The following MAP4K4 variants were observed in gnomAD, a reference collection of about 807,000 sequenced individuals.
The protein encoded by MAP4K4 is HPK/GCK-like kinase HGK.
MAP4K4 carries 38 observed loss-of-function variants against 189.6 expected under a neutral mutation model. That is an observed-to-expected ratio of 0.20 (90% CI 0.15 to 0.26). The LOEUF is 0.26. MAP4K4 is among the 10% of genes least tolerant of loss of function. The pLI, the probability that MAP4K4 is intolerant of heterozygous loss-of-function variation, is 1.00. For missense variants in MAP4K4, 1,054 were observed against 1,726.9 expected (o/e 0.61, Z 6.91); for synonymous variants, 610 against 624.3 (o/e 0.98, Z 0.34).
chr2:101,869,727 G>A (rs1381602398), exon 22 of MAP4K4: 1 of 1,596,880 alleles, frequency 6.3e-7, no homozygotes, highest in Non-Finnish European at 8.5e-7. Flanking sequence ...GACGACGGAT[G>A]AGGAGGACGA....
intron 29 of MAP4K4, among the ~76,000 whole-genome samples, chr2:101,886,397 TATG>T (rs1440627038): frequency 2.7e-5 from 2 of 73,624 alleles, no homozygotes; most frequent in Non-Finnish European, 5.2e-5. Context: ...ATGCTACTAG[TATG>T]ATAATAGTGA....
intron 2 of MAP4K4, among the ~76,000 whole-genome samples, chr2:101,753,097 C>G (rs1452463544): frequency 6.6e-6 from 1 of 152,172 alleles, no homozygotes; most frequent in African/African-American, 2.4e-5. Flanking sequence ...CTCATTTAAT[C>G]TCTCAAATTA....
At chr2:101,845,419 C>T (rs2097071652) in intron 12 of MAP4K4, among the ~76,000 whole-genome samples, 1 of 152,094 alleles carries the variant, frequency 6.6e-6, no homozygotes, top group Admixed American at 6.5e-5. Context: ...GACGGGGATA[C>T]ATTCTGAGAA....
At chr2:101,810,647 C>T (rs2095361694) in intron 3 of MAP4K4, among the ~76,000 whole-genome samples, 1 of 152,086 alleles carries the variant, frequency 6.6e-6, no homozygotes, top group East Asian at 1.9e-4. Context: ...GAATAGCAAG[C>T]CCCAAATTAA....
intron 2 of MAP4K4, among the ~76,000 whole-genome samples, chr2:101,752,191 A>T (rs2069444490): frequency 6.6e-6 from 1 of 152,188 alleles, no homozygotes; most frequent in East Asian, 1.9e-4. Flanking sequence ...TTTTATATTG[A>T]AATGGAAACT....
intron 2 of MAP4K4, among the ~76,000 whole-genome samples, chr2:101,698,978 T>C (rs1210681191): frequency 1.3e-5 from 2 of 152,192 alleles, no homozygotes; most frequent in African/African-American, 4.8e-5. Flanking sequence ...ACTCAGTGCT[T>C]GCCAGTTGCT....
rs767343379 is a variant in MAP4K4 at position 101,870,332 on chromosome 2, G to C, written c.2677G>C (p.Val893Leu). The C allele has an allele frequency of 5.0e-6, 8 of 1,613,236 alleles. No individual in the cohort carries two copies. The highest frequency in any genetic ancestry group is 5.9e-6 in the Non-Finnish European group (7 of 1,179,638). The change falls in exon 23 of 33, where the codon GTG becomes CTG. Residue 893 changes from valine to leucine, a missense_variant. Coordinates refer to ENST00000324219, the Ensembl canonical transcript of MAP4K4. ...TTTGAGCAATGGTGAAACGGAATCT[G>C]TGAAAACCATGATTGTCCATGATGA...
chr2:101,867,670 C>T, intron 20 of MAP4K4: 1 of 364,230 alleles, frequency 2.7e-6, no homozygotes, highest in Non-Finnish European at 4.9e-6. Context: ...CTTTTTATCT[C>T]TTTCTTGGCA....
At chr2:101,816,581 A>C (rs2095733868) in intron 3 of MAP4K4, among the ~76,000 whole-genome samples, 1 of 152,190 alleles carries the variant, frequency 6.6e-6, no homozygotes, top group South Asian at 2.1e-4. Flanking sequence ...ATTCTCCTCA[A>C]GGGACCTTTG....
chr2:101,797,238 T>C (rs1349438697), intron 3 of MAP4K4: 2 of 1,290,368 alleles, frequency 1.5e-6, no homozygotes, highest in East Asian at 5.5e-5. Context: ...ATTGTTCTAT[T>C]CTGTTATTCC....
chr2:101,867,167 A>G (rs2097843351), intron 19 of MAP4K4, 45 bp from the exon 20 acceptor site: 2 of 1,265,670 alleles, frequency 1.6e-6, no homozygotes, highest in Non-Finnish European at 2.3e-6. Context: ...ACACATCCAT[A>G]TGTTGATATG....
chr2:101,866,868 T>C (rs1577055760), intron 19 of MAP4K4, among the ~76,000 whole-genome samples: 1 of 150,416 alleles, frequency 6.6e-6, no homozygotes, highest in Non-Finnish European at 1.5e-5. Flanking sequence ...CCCATTTCTT[T>C]CGGTCTGGGC....
chr2:101,858,432 A>T (rs1044868121), intron 13 of MAP4K4, among the ~76,000 whole-genome samples: 4 of 152,096 alleles, frequency 2.6e-5, no homozygotes, highest in African/African-American at 9.7e-5. Flanking sequence ...CAAGCTCATC[A>T]TGGAGCCTGG....
At chr2:101,888,238 G>A (rs2098515909) in intron 31 of MAP4K4, among the ~76,000 whole-genome samples, 1 of 152,138 alleles carries the variant, frequency 6.6e-6, no homozygotes, top group Admixed American at 6.5e-5. Flanking sequence ...TTTGTAAAGG[G>A]AGACAGAGAA....
At chr2:101,810,216 G>C (rs2095327646) in intron 3 of MAP4K4, among the ~76,000 whole-genome samples, 1 of 152,192 alleles carries the variant, frequency 6.6e-6, no homozygotes, top group Non-Finnish European at 1.5e-5. Context: ...AAAGATTGCT[G>C]TGTCTAAGAT....
chr2:101,876,152 G>A lies in MAP4K4; in HGVS notation c.3242-851G>A, dbSNP rs575329081. Among the ~76,000 whole-genome samples, 691 of 152,272 alleles carry A rather than the reference G, an allele frequency of 4.5e-3. 5 individuals carry two copies. Among genetic ancestry groups the A allele is most frequent in the African/African-American group, 0.016 (647 of 41,542 alleles). On this transcript the variant is annotated intron_variant, in intron 26 of 32. Coordinates refer to ENST00000324219, the Ensembl canonical transcript of MAP4K4. ...AGCTGTTGATAGAAGCAGCCAAGTC[G>A]CGAGGCTAGTTTCAGTAGAGATCTG...
intron 2 of MAP4K4, among the ~76,000 whole-genome samples, chr2:101,727,149 A>G (rs921482625): frequency 2.0e-5 from 3 of 152,218 alleles, no homozygotes; most frequent in African/African-American, 2.4e-5. Context: ...AAATTTCAAT[A>G]TGAATTTTGA....
In MAP4K4 at chr2:101,730,745, C is replaced by G. The variant is rs950745751; in HGVS notation, c.123+32207C>G. Among the ~76,000 whole-genome samples, 5 of 152,092 alleles carry G rather than the reference C, an allele frequency of 3.3e-5. 1 individual carries two copies. In the South Asian group the frequency reaches 6.2e-4, roughly 19 times the overall value. On this transcript the variant is annotated intron_variant, in intron 2 of 32. Transcript: ENST00000324219. Reference sequence around the variant, plus strand: ...ACTTAATTCCTGTGAATCACTTTGACTTAGAAATATGTTGAATAGTGGCCG... The same window carrying G: ...ACTTAATTCCTGTGAATCACTTTGAGTTAGAAATATGTTGAATAGTGGCCG...
At chr2:101,825,827 A>G (rs192388613) in intron 5 of MAP4K4, among the ~76,000 whole-genome samples, 3 of 152,320 alleles carry the variant, frequency 2.0e-5, no homozygotes, top group South Asian at 2.1e-4. Context: ...TTTCAAAATC[A>G]CCTTGAAGTC....
Sources: gnomAD v4.1 joint callset for allele counts (sites outside exome capture counted in the v4.1 genomes callset) on GRCh38, gnomAD v4.1.1 for gene constraint, MANE v1.5 for transcripts, NCBI Gene and HGNC (gene_info 2026-07-23, HGNC 2026-07-21) for gene names.